The following ADGRL2 variants were observed in gnomAD, a reference collection of about 807,000 sequenced individuals.
ADGRL2 encodes calcium-independent alpha-latrotoxin receptor 2.
A neutral mutation model predicts 157.4 loss-of-function variants in ADGRL2; 44 were observed. The ratio of observed to expected loss-of-function variants is 0.28; its 90% CI spans 0.22 to 0.36. The LOEUF (loss-of-function observed/expected upper bound fraction) is 0.36. ADGRL2 is among the 10% of genes least tolerant of loss of function. ADGRL2 has a pLI of 1.00. For synonymous variants in ADGRL2, 585 were observed against 624.7 expected, an observed-to-expected ratio of 0.94 and a Z score of 0.95; for missense variants, 1,510 against 1,768.9, an observed-to-expected ratio of 0.85 and a Z score of 2.63.
chr1:81,591,775 T>C (rs1330366511), intron 3 of ADGRL2, among the ~76,000 whole-genome samples: 1 of 152,180 alleles, frequency 6.6e-6, no homozygotes, highest in East Asian at 1.9e-4. Flanking sequence ...GAGTGCCCCA[T>C]GTGGCAAGAA....
intron 2 of ADGRL2, among the ~76,000 whole-genome samples, chr1:81,891,024 A>T (rs2094249884): frequency 6.6e-6 from 1 of 152,038 alleles, no homozygotes; most frequent in Non-Finnish European, 1.5e-5. Context: ...GGTTTAGATG[A>T]ACTGGTCACT....
chr1:81,901,676 T>G (rs1417976773), intron 2 of ADGRL2, among the ~76,000 whole-genome samples: 2 of 151,914 alleles, frequency 1.3e-5, no homozygotes, highest in Non-Finnish European at 2.9e-5. Flanking sequence ...CAGGAATGGG[T>G]TTTTATGTCT....
chr1:81,796,213 A>T (rs1430177849), upstream of ADGRL2, among the ~76,000 whole-genome samples: 2 of 151,236 alleles, frequency 1.3e-5, no homozygotes, highest in Admixed American at 6.6e-5. Context: ...ATGGTCTTGA[A>T]CTCCTGACCT....
chr1:81,364,924 A>G (rs975426688), intron 1 of ADGRL2, among the ~76,000 whole-genome samples: 1 of 152,126 alleles, frequency 6.6e-6, no homozygotes, highest in Non-Finnish European at 1.5e-5. Flanking sequence ...TAGGCCTCCC[A>G]AAGTGCTGAG....
intron 2 of ADGRL2, among the ~76,000 whole-genome samples, chr1:81,540,625 G>A (rs973862942): frequency 2.0e-5 from 3 of 152,112 alleles, no homozygotes; most frequent in Non-Finnish European, 4.4e-5. Context: ...TCCAGGCAAA[G>A]AGGGATTGCC....
chr1:81,448,137 C>CTTTTTTTTTTTTTTTTTTTTT (rs1168945231), intron 2 of ADGRL2, among the ~76,000 whole-genome samples: 21 of 83,504 alleles, frequency 2.5e-4, no homozygotes, highest in Admixed American at 5.1e-4. Flanking sequence ...TTCTTTCTTT[C>CTTTTTTTTTTTTTTTTTTTTT]TTTTTTTTTT....
intron 1 of ADGRL2, among the ~76,000 whole-genome samples, chr1:81,829,622 A>C (rs981195687): frequency 2.0e-5 from 3 of 152,188 alleles, no homozygotes; most frequent in Non-Finnish European, 4.4e-5. Context: ...GATTTCAAAA[A>C]CAAAGATTTT....
chr1:81,620,196 G>A (rs1301306452), intron 3 of ADGRL2, among the ~76,000 whole-genome samples: 11 of 152,182 alleles, frequency 7.2e-5, no homozygotes, highest in African/African-American at 2.7e-4. Flanking sequence ...ACAAGATATA[G>A]TTGTAGGCAA....
intron 3 of ADGRL2, among the ~76,000 whole-genome samples, chr1:81,683,819 CT>C (rs985895397): frequency 6.1e-5 from 9 of 148,554 alleles, no homozygotes; most frequent in East Asian, 3.9e-4. Context: ...ATAATGAGTT[CT>C]TTTTTTTTTC....
intron 2 of ADGRL2, among the ~76,000 whole-genome samples, chr1:81,904,964 A>G (rs1557881549): frequency 6.6e-6 from 1 of 152,072 alleles, no homozygotes; most frequent in East Asian, 1.9e-4. Flanking sequence ...CTAAGCCTCT[A>G]CTTGAGTTTG....
intron 2 of ADGRL2, chr1:81,502,695 G>T (rs1402380444): frequency 6.2e-7 from 1 of 1,613,530 alleles, no homozygotes; most frequent in Non-Finnish European, 8.5e-7. Flanking sequence ...ATGCCTATGA[G>T]TGTGAGAAGA....
At chr1:81,952,166 T>C (rs747402738) in intron 9 of ADGRL2, 24 bp downstream of exon 9, 8 of 1,564,578 alleles carry the variant, frequency 5.1e-6, no homozygotes, top group Non-Finnish European at 7.0e-6. Context: ...TTCTGTTATT[T>C]TGAATTAGAC....
intron 1 of ADGRL2, among the ~76,000 whole-genome samples, chr1:81,324,822 T>G (rs1372354322): frequency 6.6e-6 from 1 of 152,072 alleles, no homozygotes; most frequent in South Asian, 2.1e-4. Flanking sequence ...GTTCAAGCGA[T>G]TCCCCTGCTT....
chr1:81,616,679 C>CTTTTCTTTTT (rs1491482868), intron 3 of ADGRL2, among the ~76,000 whole-genome samples: 61 of 105,940 alleles, frequency 5.8e-4, no homozygotes, highest in African/African-American at 1.4e-3. Context: ...CTTTTCTTTT[C>CTTTTCTTTTT]TTTTTTTTTT....
Position 81,320,600 on chromosome 1 carries a change from A to C in ADGRL2, c.-302+14091A>C, listed in dbSNP as rs114668430. Among the ~76,000 whole-genome samples, 815 of 152,330 alleles carry C rather than the reference A, an allele frequency of 5.4e-3. 7 individuals carry two copies. Among genetic ancestry groups the C allele is most frequent in the African/African-American group, 0.018 (760 of 41,574 alleles). On this transcript the variant is annotated intron_variant, in intron 1 of 24. Coordinates refer to the ADGRL2 transcript ENST00000370721. The stretch of plus-strand genomic sequence containing the variant: ...AACATTCATTTCTTTGTGCATCTTC[A>C]TCAGAGCTCTCAGCTGACCAGGTAC...
At chr1:81,986,436 T>C (rs1428453596) in intron 21 of ADGRL2, among the ~76,000 whole-genome samples, 1 of 152,056 alleles carries the variant, frequency 6.6e-6, no homozygotes, top group Non-Finnish European at 1.5e-5. Flanking sequence ...TCTGTGAAAG[T>C]TGTTTTCCTC....
intron 2 of ADGRL2, among the ~76,000 whole-genome samples, chr1:81,570,060 C>T (rs1383762940): frequency 6.6e-6 from 1 of 152,092 alleles, no homozygotes; most frequent in African/African-American, 2.4e-5. Context: ...CAAAGCAAAA[C>T]AGAAGTCACA....
At chr1:81,367,667 C>T (rs1413585262) in intron 1 of ADGRL2, among the ~76,000 whole-genome samples, 1 of 152,168 alleles carries the variant, frequency 6.6e-6, no homozygotes, top group Non-Finnish European at 1.5e-5. Flanking sequence ...ATTCTCCTGC[C>T]TCAGCATCCC....
intron 2 of ADGRL2, among the ~76,000 whole-genome samples, chr1:81,780,423 C>A (rs1571194817): frequency 6.6e-6 from 1 of 152,086 alleles, no homozygotes. Context: ...TGTATCAGAA[C>A]TGAAGGACCC....
Sources: gnomAD v4.1 joint callset for allele counts (sites outside exome capture counted in the v4.1 genomes callset) on GRCh38, gnomAD v4.1.1 for gene constraint, MANE v1.5 for transcripts, NCBI Gene and HGNC (gene_info 2026-07-23, HGNC 2026-07-21) for gene names.